The following BTBD9 variants were observed in gnomAD, a reference collection of about 807,000 sequenced individuals.
The protein encoded by BTBD9 is BTB domain containing 9.
In BTBD9, 49 loss-of-function variants were observed where a neutral mutation model predicts 64.3. The observed-to-expected ratio is 0.76, with a 90% CI of 0.61 to 0.97. BTBD9 has a LOEUF of 0.97. BTBD9 is among the 50% of genes least tolerant of loss of function. The pLI, the probability that BTBD9 is intolerant of heterozygous loss-of-function variation, is 0.00. For missense variants in BTBD9, 598 were observed against 762.1 expected, an observed-to-expected ratio of 0.78 and a Z score of 2.53; for synonymous variants, 260 against 274.7, an observed-to-expected ratio of 0.95 and a Z score of 0.53.
intron 6 of BTBD9, among the ~76,000 whole-genome samples, chr6:38,547,548 T>C (rs971594713): frequency 6.6e-6 from 1 of 152,228 alleles, no homozygotes; most frequent in Non-Finnish European, 1.5e-5. Context: ...CCTTGTTTAC[T>C]TGCTCCATCC....
chr6:38,358,025 TTCTC>T (rs914028967), intron 6 of BTBD9, among the ~76,000 whole-genome samples: 5 of 151,716 alleles, frequency 3.3e-5, no homozygotes, highest in Non-Finnish European at 7.4e-5. Context: ...GTCTCTCTCT[TTCTC>T]TCTCTCTCTC....
At chr6:38,574,265 A>T (rs2127469501) in intron 6 of BTBD9, among the ~76,000 whole-genome samples, 1 of 152,310 alleles carries the variant, frequency 6.6e-6, no homozygotes, top group Admixed American at 6.5e-5. Flanking sequence ...TGGTGAGGTG[A>T]ATGCTGACTG....
intron 9 of BTBD9, among the ~76,000 whole-genome samples, chr6:38,206,986 C>A (rs1292141066): frequency 6.6e-6 from 1 of 152,244 alleles, no homozygotes; most frequent in Non-Finnish European, 1.5e-5. Flanking sequence ...ATACCCTCAA[C>A]TAGCAAAATG....
intron 6 of BTBD9, among the ~76,000 whole-genome samples, chr6:38,530,325 T>C (rs556909797): frequency 1.3e-5 from 2 of 152,328 alleles, no homozygotes; most frequent in South Asian, 4.1e-4. Context: ...CTCAGAAGCA[T>C]GTGATCTTTG....
At chr6:38,411,029 C>A (rs932307510) in intron 6 of BTBD9, among the ~76,000 whole-genome samples, 2 of 152,072 alleles carry the variant, frequency 1.3e-5, no homozygotes, top group Non-Finnish European at 2.9e-5. Context: ...TCCTTACCAA[C>A]TCTCCATACT....
At chr6:38,473,070 GGAA>G (rs1184137004) in intron 6 of BTBD9, among the ~76,000 whole-genome samples, 3 of 152,122 alleles carry the variant, frequency 2.0e-5, no homozygotes, top group Admixed American at 1.3e-4. Flanking sequence ...AGGTGAGGAA[GGAA>G]GAAAAGGTCC....
chr6:38,181,438 C>A (rs933932294), intron 10 of BTBD9, among the ~76,000 whole-genome samples: 69 of 152,334 alleles, frequency 4.5e-4, no homozygotes, highest in African/African-American at 1.7e-3. Flanking sequence ...CTAAAGATCC[C>A]CTATTTCCCT....
intron 1 of BTBD9, among the ~76,000 whole-genome samples, chr6:38,629,731 A>G (rs1778298193): frequency 6.6e-6 from 1 of 152,146 alleles, no homozygotes. Context: ...CTGAGGCAGG[A>G]GAATCGCTTG....
chr6:38,330,543 A>C (rs1333460911), intron 7 of BTBD9, among the ~76,000 whole-genome samples: 1 of 152,136 alleles, frequency 6.6e-6, no homozygotes, highest in East Asian at 1.9e-4. Context: ...ATACCGTCAA[A>C]TTATTAGAGA....
At chr6:38,285,140 G>A (rs1265954356) in intron 8 of BTBD9, among the ~76,000 whole-genome samples, 1 of 152,188 alleles carries the variant, frequency 6.6e-6, no homozygotes, top group African/African-American at 2.4e-5. Flanking sequence ...GGCCATATCA[G>A]ATGTGTGGGA....
intron 6 of BTBD9, among the ~76,000 whole-genome samples, chr6:38,437,159 G>A (rs1014800006): frequency 2.0e-5 from 3 of 152,154 alleles, no homozygotes; most frequent in Non-Finnish European, 4.4e-5. Flanking sequence ...CTATGATCAC[G>A]TGTATATTTT....
chr6:38,609,690 C>CTT (rs1777548673), intron 1 of BTBD9, among the ~76,000 whole-genome samples: 1 of 152,180 alleles, frequency 6.6e-6, no homozygotes, highest in Non-Finnish European at 1.5e-5. Context: ...AATTGATGAG[C>CTT]TTATGATTAG....
intron 9 of BTBD9, 63 bp from the exon 10 acceptor site, chr6:38,192,660 C>G: frequency 6.9e-7 from 1 of 1,454,628 alleles, no homozygotes; most frequent in South Asian, 1.2e-5. Flanking sequence ...GTAGTGTGGC[C>G]GATGGAGTCA....
chr6:38,535,452 T>C (rs950484365), intron 6 of BTBD9, among the ~76,000 whole-genome samples: 6 of 152,218 alleles, frequency 3.9e-5, no homozygotes, highest in African/African-American at 1.4e-4. Flanking sequence ...ACAGATTCAA[T>C]GCAATCATAA....
At chr6:38,311,804 GT>G (rs1236393800) in intron 7 of BTBD9, among the ~76,000 whole-genome samples, 8 of 152,124 alleles carry the variant, frequency 5.3e-5, no homozygotes, top group African/African-American at 1.9e-4. Flanking sequence ...TCCCATTGTA[GT>G]TTTGGTGTGC....
chr6:38,499,722 C>G (rs1316849033), intron 6 of BTBD9, among the ~76,000 whole-genome samples: 1 of 152,046 alleles, frequency 6.6e-6, no homozygotes, highest in Non-Finnish European at 1.5e-5. Context: ...AAAAACAAAA[C>G]AAAACACCAT....
At chr6:38,244,198 T>C (rs138508236) in intron 9 of BTBD9, among the ~76,000 whole-genome samples, 254 of 152,334 alleles carry the variant, frequency 1.7e-3, no homozygotes, top group Middle Eastern at 0.014. Context: ...TACCTTGGGA[T>C]CATGTGACTG....
chr6:38,631,154 T>C (rs574346237), intron 1 of BTBD9, among the ~76,000 whole-genome samples: 3 of 152,348 alleles, frequency 2.0e-5, no homozygotes, highest in South Asian at 4.1e-4. Context: ...GTGATGGATA[T>C]AAAACTTCAA....
intron 6 of BTBD9, among the ~76,000 whole-genome samples, chr6:38,542,575 T>C (rs1774329837): frequency 6.6e-6 from 1 of 152,224 alleles, no homozygotes; most frequent in South Asian, 2.1e-4. Flanking sequence ...CTGTTCCATC[T>C]GGCCCATAGT....
Sources: allele counts gnomAD v4.1 joint callset (sites outside exome capture counted in the v4.1 genomes callset), GRCh38; gene constraint gnomAD v4.1.1; transcripts MANE v1.5; gene names NCBI Gene and HGNC (gene_info 2026-07-23, HGNC 2026-07-21).